Variants in TFDP2 observed in about 807,000 individuals in gnomAD.
The protein encoded by TFDP2 is transcription factor Dp-2 (E2F dimerization partner 2).
TFDP2 carries 17 observed loss-of-function variants against 59.3 expected under a neutral mutation model. The observed-to-expected ratio is 0.29, with a 90% CI of 0.20 to 0.43. The LOEUF (loss-of-function observed/expected upper bound fraction) is 0.43. TFDP2 is among the 20% of genes least tolerant of loss of function. TFDP2 has a pLI of 1.00. For missense variants in TFDP2, 391 were observed against 528.8 expected (o/e 0.74, Z 2.56); for synonymous variants, 180 against 194.7 (o/e 0.92, Z 0.63).
chr3:141,959,398 T>C (rs1937083405), intron 11 of TFDP2, among the ~76,000 whole-genome samples: 1 of 152,180 alleles, frequency 6.6e-6, no homozygotes, highest in African/African-American at 2.4e-5. Context: ...TACTGGGAAT[T>C]ACAAGATCTC....
intron 3 of TFDP2, among the ~76,000 whole-genome samples, chr3:142,013,246 T>C (rs1416365526): frequency 2.0e-5 from 3 of 152,188 alleles, no homozygotes; most frequent in Non-Finnish European, 4.4e-5. Flanking sequence ...AAATGATTCT[T>C]ATAAGTAGTA....
chr3:141,957,244 G>A (rs1010338545), intron 11 of TFDP2, among the ~76,000 whole-genome samples: 4 of 152,168 alleles, frequency 2.6e-5, no homozygotes, highest in South Asian at 4.1e-4. Context: ...CTTGAACCTG[G>A]GAGGTGGAGG....
At chr3:142,030,985 G>T (rs1036847562) in intron 3 of TFDP2, among the ~76,000 whole-genome samples, 13 of 151,572 alleles carry the variant, frequency 8.6e-5, no homozygotes, top group African/African-American at 2.9e-4. Flanking sequence ...CTCGTGATCC[G>T]CCCGCCTCGG....
chr3:141,965,534 G>A (rs1398679925), intron 9 of TFDP2, among the ~76,000 whole-genome samples: 29 of 129,682 alleles, frequency 2.2e-4, no homozygotes, highest in Non-Finnish European at 3.4e-4. Flanking sequence ...AAGAAGGGAA[G>A]AGAAGGGAGG....
At chr3:142,043,225 T>A (rs1295943165) in intron 3 of TFDP2, among the ~76,000 whole-genome samples, 2 of 144,422 alleles carry the variant, frequency 1.4e-5, no homozygotes, top group Non-Finnish European at 3.0e-5. Flanking sequence ...TTTTTTGTAT[T>A]TTTAGTAGAG....
At chr3:141,988,366 A>G (rs954529892) in intron 6 of TFDP2, among the ~76,000 whole-genome samples, 6 of 152,206 alleles carry the variant, frequency 3.9e-5, no homozygotes, top group African/African-American at 1.4e-4. Context: ...CCAACTGATC[A>G]TAACATTTTT....
At chr3:142,049,000 A>G in intron 3 of TFDP2, among the ~76,000 whole-genome samples, 1 of 152,222 alleles carries the variant, frequency 6.6e-6, no homozygotes, top group Non-Finnish European at 1.5e-5. Flanking sequence ...TGAAATAACG[A>G]ATATGAAGGG....
At chr3:142,070,887 T>G (rs2060224063) in intron 3 of TFDP2, among the ~76,000 whole-genome samples, 1 of 152,218 alleles carries the variant, frequency 6.6e-6, no homozygotes, top group South Asian at 2.1e-4. Flanking sequence ...TAAATATTTT[T>G]ATTTGAGAGG....
intron 9 of TFDP2, among the ~76,000 whole-genome samples, chr3:141,969,588 G>T (rs1187536887): frequency 6.6e-6 from 1 of 151,952 alleles, no homozygotes; most frequent in Non-Finnish European, 1.5e-5. Flanking sequence ...CTCCAGCCTG[G>T]CGAAAGAGTG....
At position 142,026,837 on chromosome 3, in the gene TFDP2, A is replaced by G. The variant is rs1576765812; in HGVS notation, c.83-21293T>C. Among the ~76,000 whole-genome samples, 3 of 152,298 alleles carry G rather than the reference A, an allele frequency of 2.0e-5. No homozygotes were observed. The East Asian group carries it at 5.8e-4, about 29-fold the overall frequency. ...TTCCTACTCTTTTCAGCAGATAAACATTCTCCTCTTTCCATTAGCAACCAA... is the reference window on the plus strand; with the variant it reads ...TTCCTACTCTTTTCAGCAGATAAACGTTCTCCTCTTTCCATTAGCAACCAA... On this transcript the variant is annotated intron_variant, in intron 3 of 12. Coordinates refer to ENST00000489671, the MANE Select transcript of TFDP2 (RefSeq NM_001178139.2).
chr3:141,977,458 C>A (rs1196503420), intron 7 of TFDP2, among the ~76,000 whole-genome samples: 1 of 151,156 alleles, frequency 6.6e-6, no homozygotes, highest in East Asian at 1.9e-4. Context: ...AGAGGCAGAG[C>A]CTTGCCATTT....
At chr3:142,040,449 C>T (rs1294901609) in intron 3 of TFDP2, among the ~76,000 whole-genome samples, 2 of 149,426 alleles carry the variant, frequency 1.3e-5, no homozygotes, top group Non-Finnish European at 1.5e-5. Flanking sequence ...TTTTTTGAGA[C>T]GGAGTCTCGC....
At chr3:141,953,199 G>A (rs1414919512) in intron 11 of TFDP2, among the ~76,000 whole-genome samples, 183 bp from the exon 12 acceptor site, 4 of 151,590 alleles carry the variant, frequency 2.6e-5, no homozygotes, top group African/African-American at 7.3e-5. Context: ...AAAATTTCTA[G>A]AACATAAGAG....
chr3:142,093,426 G>A (rs2061060775), intron 2 of TFDP2, among the ~76,000 whole-genome samples: 1 of 151,786 alleles, frequency 6.6e-6, no homozygotes, highest in Non-Finnish European at 1.5e-5. Context: ...ACTCCAGCCT[G>A]GATGACAGAG....
At chr3:142,025,643 G>C (rs565848298) in intron 3 of TFDP2, among the ~76,000 whole-genome samples, 1 of 151,968 alleles carries the variant, frequency 6.6e-6, no homozygotes, top group Non-Finnish European at 1.5e-5. Context: ...AAGTTCTTTA[G>C]GCAAATCTAT....
chr3:142,052,036 G>A (rs1400486939), intron 3 of TFDP2, among the ~76,000 whole-genome samples: 1 of 152,060 alleles, frequency 6.6e-6, no homozygotes, highest in Non-Finnish European at 1.5e-5. Flanking sequence ...TGAGGTGGGA[G>A]GATAGCTTGA....
chr3:142,100,996 C>G (rs2061300450), intron 2 of TFDP2, among the ~76,000 whole-genome samples: 1 of 151,960 alleles, frequency 6.6e-6, no homozygotes, highest in South Asian at 2.1e-4. Flanking sequence ...TGTTTAATTC[C>G]CAGTCAAAGA....
chr3:141,964,178 C>T (rs2107912035), intron 9 of TFDP2, among the ~76,000 whole-genome samples: 1 of 152,196 alleles, frequency 6.6e-6, no homozygotes, highest in African/African-American at 2.4e-5. Flanking sequence ...CAGGACCTCA[C>T]AATCTGGGAA....
chr3:142,113,860 C>T (rs2061748109), intron 1 of TFDP2, among the ~76,000 whole-genome samples: 1 of 151,956 alleles, frequency 6.6e-6, no homozygotes, highest in Non-Finnish European at 1.5e-5. Context: ...TAAGCAATTC[C>T]TCAAAATAAC....
Sources: gnomAD v4.1 joint callset for allele counts (sites outside exome capture counted in the v4.1 genomes callset) on GRCh38, gnomAD v4.1.1 for gene constraint, MANE v1.5 for transcripts, NCBI Gene and HGNC (gene_info 2026-07-23, HGNC 2026-07-21) for gene names.